JAK2: variants seen among roughly 807,000 people sequenced by gnomAD.
JAK2 encodes the protein tyrosine-protein kinase JAK2.
In JAK2, 86 loss-of-function variants were observed where a neutral mutation model predicts 139.3. The observed-to-expected ratio is 0.62, with a 90% CI of 0.52 to 0.74. The LOEUF (loss-of-function observed/expected upper bound fraction) is 0.74. Among genes scored for constraint, JAK2 ranks in the 30% least tolerant of loss-of-function variants. The pLI, the probability that JAK2 is intolerant of heterozygous loss-of-function variation, is 0.00. For synonymous variants in JAK2, 490 were observed against 437.7 expected, an observed-to-expected ratio of 1.12 and a Z score of -1.49; for missense variants, 1,421 against 1,360.3, an observed-to-expected ratio of 1.04 and a Z score of -0.70.
At chr9:5,110,115 T>A (rs186692158) in intron 22 of JAK2, 1 of 152,346 alleles carries the variant, frequency 6.6e-6, no homozygotes, top group East Asian at 1.9e-4. Flanking sequence ...TCGCCTTCTC[T>A]TAGCAGCAGC....
rs1275146700 is a variant in JAK2 at position 5,080,219 on chromosome 9, C to G, written c.2132-10C>G. ...TTATTTAACCCTACTCTGTTCGTAT[C>G]ATTTAAAAGTTCTTCAGGAGAGAAT... On this transcript the variant is annotated splice_polypyrimidine_tract_variant and intron_variant, in intron 16 of 24. Transcript: ENST00000381652. The G allele has an allele frequency of 6.2e-7, 1 of 1,600,226 alleles. No homozygotes were observed. Among genetic ancestry groups the G allele is most frequent in the East Asian group, 2.2e-5 (1 of 44,772 alleles).
intron 19 of JAK2, chr9:5,085,504 T>C (rs748901107): frequency 5.1e-5 from 37 of 720,570 alleles, no homozygotes; most frequent in Non-Finnish European, 9.4e-5. Context: ...TGACCCGAGC[T>C]GAAGAAATTC....
chr9:5,064,157 G>C (rs936629381), intron 8 of JAK2, among the ~76,000 whole-genome samples: 1 of 150,166 alleles, frequency 6.7e-6, no homozygotes, highest in African/African-American at 2.5e-5. Flanking sequence ...CTCTGACTGG[G>C]CGGGGGCCAC....
chr9:5,076,533 T>C (rs1361764948), intron 14 of JAK2, among the ~76,000 whole-genome samples: 4 of 152,302 alleles, frequency 2.6e-5, no homozygotes, highest in Middle Eastern at 3.4e-3. Context: ...TCTTTGTTTT[T>C]TTTAAGATAT....
intron 2 of JAK2, among the ~76,000 whole-genome samples, chr9:5,018,958 C>G (rs547286814): frequency 1.3e-5 from 2 of 152,096 alleles, no homozygotes; most frequent in Admixed American, 1.3e-4. Context: ...TTGTCTTTGA[C>G]AAGCTGTTGT....
At chr9:4,996,928 C>CTTTT (rs1166992356) in intron 2 of JAK2, among the ~76,000 whole-genome samples, 9 of 94,660 alleles carry the variant, frequency 9.5e-5, no homozygotes, top group South Asian at 3.6e-4. Flanking sequence ...TTAGTTTGTT[C>CTTTT]TTTTTTTTTT....
chr9:5,010,502 G>C (rs1328699331), intron 2 of JAK2, among the ~76,000 whole-genome samples: 1 of 151,962 alleles, frequency 6.6e-6, no homozygotes, highest in Non-Finnish European at 1.5e-5. Context: ...TATATTTTTA[G>C]TACAGACAGG....
chr9:5,045,245 G>T (rs1816919985), intron 5 of JAK2, among the ~76,000 whole-genome samples: 1 of 152,116 alleles, frequency 6.6e-6, no homozygotes, highest in Non-Finnish European at 1.5e-5. Flanking sequence ...GGTATCAGGA[G>T]TTCTAAATCA....
chr9:5,043,109 T>C (rs1207269221), intron 4 of JAK2, among the ~76,000 whole-genome samples: 1 of 152,120 alleles, frequency 6.6e-6, no homozygotes, highest in Non-Finnish European at 1.5e-5. Context: ...ACAAAATGCC[T>C]TAAAGCCCCC....
chr9:5,109,845 G>C (rs1322650964), intron 22 of JAK2: 1 of 152,088 alleles, frequency 6.6e-6, no homozygotes, highest in Admixed American at 6.5e-5. Context: ...CCTCATCACA[G>C]TATTCTTCCA....
intron 2 of JAK2, 21 bp from the exon 3 acceptor site, chr9:5,021,942 C>A: frequency 6.9e-7 from 1 of 1,455,740 alleles, no homozygotes; most frequent in Non-Finnish European, 9.6e-7. Flanking sequence ...CCATTTGTAA[C>A]TTTATTGTTT....
chr9:5,104,068 A>T (rs1004854526), intron 22 of JAK2, among the ~76,000 whole-genome samples: 10 of 152,368 alleles, frequency 6.6e-5, no homozygotes, highest in African/African-American at 2.4e-4. Context: ...AACTAAGATC[A>T]GAGCAGAACT....
chr9:5,056,927 C>T (rs1449586260), intron 8 of JAK2, among the ~76,000 whole-genome samples: 1 of 152,134 alleles, frequency 6.6e-6, no homozygotes, highest in East Asian at 1.9e-4. Context: ...AACTCAAATG[C>T]ATGCTTTGAA....
At chr9:5,074,109 G>A (rs1038465544) in intron 14 of JAK2, among the ~76,000 whole-genome samples, 2 of 152,034 alleles carry the variant, frequency 1.3e-5, no homozygotes, top group African/African-American at 4.8e-5. Context: ...GGCCTTTTCA[G>A]TACAAACTTA....
chr9:5,076,198 C>T (rs1427091431), intron 14 of JAK2, among the ~76,000 whole-genome samples: 2 of 152,104 alleles, frequency 1.3e-5, no homozygotes, highest in Non-Finnish European at 2.9e-5. Flanking sequence ...GAAATGACAA[C>T]AAAGGGTTTG....
Position 5,080,643 on chromosome 9 carries a change from C to G in JAK2, c.2394C>G (p.Phe798Leu), listed in dbSNP as rs142306230. 1 of 1,603,136 alleles carries G rather than the reference C, an allele frequency of 6.2e-7. No individual in the cohort carries two copies. Among genetic ancestry groups the G allele is most frequent in the Non-Finnish European group, 8.5e-7 (1 of 1,176,744 alleles). ...ATGAACCAGATTTCAGGCCTTCTTT[C>G]AGAGCCATCATACGAGATCTTAACA... The part of the protein sequence containing the change: ...MDYEPDFRPS[F>L]RAIIRDLNSL... The change falls in exon 18 of 25, where the codon TTC (phenylalanine) becomes TTG (leucine). Residue 798 changes from phenylalanine (F) to leucine (L), a missense_variant. Coordinates refer to ENST00000381652, the MANE Select transcript of JAK2 (RefSeq NM_004972.4).
chr9:5,046,623 TTTTCCTAG>T (rs1160137762), intron 5 of JAK2, among the ~76,000 whole-genome samples: 1 of 152,186 alleles, frequency 6.6e-6, no homozygotes, highest in Non-Finnish European at 1.5e-5. Context: ...GAATATCCAG[TTTTCCTAG>T]CACCATTTGT....
At chr9:5,036,652 T>C (rs1200479573) in intron 4 of JAK2, among the ~76,000 whole-genome samples, 1 of 152,228 alleles carries the variant, frequency 6.6e-6, no homozygotes, top group Non-Finnish European at 1.5e-5. Flanking sequence ...GAAAACTGGC[T>C]AGCCATGTGT....
Position 5,022,297 on chromosome 9 carries a change from T to G in JAK2, c.226+84T>G, listed in dbSNP as rs1441044168. On this transcript the variant is annotated intron_variant, in intron 3 of 24. Coordinates refer to ENST00000381652, the MANE Select transcript of JAK2 (RefSeq NM_004972.4). The stretch of plus-strand genomic sequence containing the variant: ...GCTAATACTAGGTACATGCATAATA[T>G]ATATTTTTATTTTTTTAATGCTTGT... The G allele has an allele frequency of 3.6e-6, 3 of 832,106 alleles. No individual in the cohort carries two copies. In the African/African-American group the frequency reaches 5.3e-5, roughly 15 times the overall value. 51.5% of individuals were successfully genotyped at this position (832,106 alleles called of 1,614,324 possible).
Sources: gnomAD v4.1 joint callset for allele counts (sites outside exome capture counted in the v4.1 genomes callset) on GRCh38, gnomAD v4.1.1 for gene constraint, MANE v1.5 for transcripts, NCBI Gene and HGNC (gene_info 2026-07-23, HGNC 2026-07-21) for gene names.